The following CRYBG1 variants were observed in gnomAD, a reference collection of about 807,000 sequenced individuals.
The protein encoded by CRYBG1 is crystallin beta-gamma domain containing 1.
Under a neutral mutation model 189.2 loss-of-function variants are expected in CRYBG1, and 139 were observed. That is an observed-to-expected ratio of 0.73 (90% CI 0.64 to 0.85). The LOEUF (loss-of-function observed/expected upper bound fraction) is 0.85, where lower values mean the gene tolerates loss of function less well. CRYBG1 is among the 40% of genes least tolerant of loss of function. CRYBG1 has a pLI of 0.00. For missense variants in CRYBG1, 2,611 were observed against 2,675.8 expected, an observed-to-expected ratio of 0.98 and a Z score of 0.53; for synonymous variants, 1,023 against 1,017.1, an observed-to-expected ratio of 1.01 and a Z score of -0.11.
chr6:106,432,866 G>T (rs1582759462), intron 1 of CRYBG1, among the ~76,000 whole-genome samples: 3 of 128,772 alleles, frequency 2.3e-5, no homozygotes, highest in South Asian at 4.7e-4. Flanking sequence ...TTGAGACAGA[G>T]TCTCACTCTG....
Position 106,520,615 on chromosome 6 carries a change from C to T in CRYBG1, c.3407C>T (p.Pro1136Leu), listed in dbSNP as rs774375182. The T allele has an allele frequency of 1.9e-6, 3 of 1,614,200 alleles. No individual in the cohort carries two copies. The highest frequency in any genetic ancestry group is 2.5e-6 in the Non-Finnish European group (3 of 1,180,020). ...GCCAGGATGCCAAACTCTCCTGCTC[C>T]TCACTTTGCCATGCCTCCTATTCAC... ...KKARMPNSPAPHFAMPPIHED... is the reference protein window; with the variant it reads ...KKARMPNSPALHFAMPPIHED... Residue 1136 changes from proline to leucine, a missense_variant, in exon 4 of 22, where the codon CCT becomes CTT. Pro to Leu is a moderately conservative substitution (Grantham distance 98). Coordinates refer to ENST00000633556, the MANE Select transcript of CRYBG1 (RefSeq NM_001371242.2).
At position 106,521,060 on chromosome 6, in the gene CRYBG1, A is replaced by G. The variant is rs769426664; in HGVS notation, c.3852A>G (p.Ser1284=). ...QNGSLSQSSV[S]QPTTEGAPPC... ...GTTCCCTATCTCAGTCTTCAGTGTC[A>G]CAGCCCACGACTGAGGGTGCCCCGC... Residue 1284 remains serine, a synonymous_variant, in exon 4 of 22, where the codon TCA becomes TCG. Coordinates refer to ENST00000633556, the MANE Select transcript of CRYBG1 (RefSeq NM_001371242.2). The G allele has an allele frequency of 5.0e-6, 8 of 1,614,028 alleles. No individual in the cohort carries two copies. In the Admixed American group the frequency reaches 1.3e-4, roughly 27 times the overall value.
chr6:106,546,337 C>G (rs1774264909), intron 13 of CRYBG1, among the ~76,000 whole-genome samples: 1 of 152,192 alleles, frequency 6.6e-6, no homozygotes, highest in African/African-American at 2.4e-5. Context: ...CAAATAGTTA[C>G]ATGAAATAAT....
rs1775071412 is a variant in CRYBG1 at position 106,571,840 on chromosome 6, T to C, written c.*3274T>C. On this transcript the variant is annotated 3_prime_UTR_variant, in exon 22 of 22. Transcript: ENST00000633556. ...CAAGTGCTGATATTTTTATATCAATTACTGGCCAAAATGGTGTGTTTATTT... is the reference window on the plus strand; with the variant it reads ...CAAGTGCTGATATTTTTATATCAATCACTGGCCAAAATGGTGTGTTTATTT... The C allele has an allele frequency of 3.5e-6, 2 of 569,710 alleles. No homozygotes were observed. Among genetic ancestry groups the C allele is most frequent in the East Asian group, 5.8e-5 (2 of 34,624 alleles). The allele number at this position is 569,710 out of a possible 1,614,324, so 35.3% of individuals were successfully genotyped here. A position where few individuals can be genotyped will look rare whatever the true frequency, so the allele number is the denominator to read the frequency against.
chr6:106,452,945 TA>T, intron 2 of CRYBG1, among the ~76,000 whole-genome samples: 1 of 152,330 alleles, frequency 6.6e-6, no homozygotes, highest in East Asian at 1.9e-4. Flanking sequence ...CAATGAGGGT[TA>T]ATAGTGAAAT....
intron 3 of CRYBG1, among the ~76,000 whole-genome samples, chr6:106,515,353 A>C (rs937934455): frequency 1.1e-4 from 17 of 152,222 alleles, no homozygotes; most frequent in Admixed American, 1.0e-3. Context: ...AATAGCACAG[A>C]AAGTTTGGTT....
chr6:106,481,593 A>G (rs1191189829), intron 2 of CRYBG1, among the ~76,000 whole-genome samples: 1 of 152,130 alleles, frequency 6.6e-6, no homozygotes, highest in Non-Finnish European at 1.5e-5. Flanking sequence ...ACCCTTCTGC[A>G]TCCTACTGTG....
chr6:106,478,647 A>C (rs187168488), intron 2 of CRYBG1, among the ~76,000 whole-genome samples: 1 of 152,190 alleles, frequency 6.6e-6, no homozygotes, highest in Admixed American at 6.5e-5. Flanking sequence ...CGACCCCTGG[A>C]CCATAGACCA....
chr6:106,525,096 GTAAT>G, intron 4 of CRYBG1, 33 bp from the exon 5 acceptor site: 7 of 1,606,906 alleles, frequency 4.4e-6, no homozygotes, highest in Non-Finnish European at 6.0e-6. Flanking sequence ...ATGTGAAGTT[GTAAT>G]TATTTGTTGT....
At chr6:106,431,678 G>T (rs1315090435) in intron 1 of CRYBG1, among the ~76,000 whole-genome samples, 1 of 152,116 alleles carries the variant, frequency 6.6e-6, no homozygotes, top group Non-Finnish European at 1.5e-5. Context: ...CACAGAAATG[G>T]CCACACTGTT....
At chr6:106,527,611 T>C in intron 7 of CRYBG1, 141 bp downstream of exon 7, 6 of 869,516 alleles carry the variant, frequency 6.9e-6, no homozygotes, top group Non-Finnish European at 1.0e-5. Flanking sequence ...ATTTTAAGTA[T>C]TTGTACACTT....
At chr6:106,451,894 G>C in intron 2 of CRYBG1, 62 bp downstream of exon 2, 1 of 1,420,156 alleles carries the variant, frequency 7.0e-7, no homozygotes, top group Non-Finnish European at 9.4e-7. Context: ...CTAAAGCACT[G>C]TAAGATAGCC....
At chr6:106,519,094 A>G (rs1770074421) in intron 3 of CRYBG1, 37 bp from the exon 4 acceptor site, 1 of 1,559,594 alleles carries the variant, frequency 6.4e-7, no homozygotes, top group Non-Finnish European at 8.6e-7. Flanking sequence ...TTTTAAAACT[A>G]GGTCAATAAC....
chr6:106,533,373 T>G (rs1219739254), intron 8 of CRYBG1, among the ~76,000 whole-genome samples: 1 of 152,208 alleles, frequency 6.6e-6, no homozygotes, highest in East Asian at 1.9e-4. Flanking sequence ...ACATCTGGCC[T>G]TTCACGCCTT....
chr6:106,361,119 C>T, intron 1 of CRYBG1, 38 bp downstream of exon 1: 2 of 1,521,314 alleles, frequency 1.3e-6, no homozygotes, highest in East Asian at 2.5e-5. Context: ...CCCACCTCCT[C>T]CTCCTCCTCC....
At chr6:106,560,706 G>T in intron 18 of CRYBG1, 97 bp from the exon 19 acceptor site, 2 of 1,382,114 alleles carry the variant, frequency 1.4e-6, no homozygotes, top group Non-Finnish European at 2.0e-6. Flanking sequence ...AAAGTATATA[G>T]TTCAGTCTAG....
intron 1 of CRYBG1, among the ~76,000 whole-genome samples, chr6:106,392,504 G>A (rs1770527556): frequency 6.6e-6 from 1 of 152,160 alleles, no homozygotes; most frequent in African/African-American, 2.4e-5. Flanking sequence ...GAATCAGGAA[G>A]GGAAAAGGAC....
chr6:106,517,231 G>A (rs1172690793), intron 3 of CRYBG1, among the ~76,000 whole-genome samples: 1 of 149,294 alleles, frequency 6.7e-6, no homozygotes, highest in African/African-American at 2.5e-5. Flanking sequence ...GGCTGGTCTT[G>A]AACCCCTTGG....
chr6:106,432,470 A>G (rs919035614), intron 1 of CRYBG1, among the ~76,000 whole-genome samples: 6 of 152,138 alleles, frequency 3.9e-5, no homozygotes, highest in African/African-American at 1.4e-4. Context: ...TTGTCCTACA[A>G]GCTGTGGTAG....
Sources: gnomAD v4.1 joint callset for allele counts (sites outside exome capture counted in the v4.1 genomes callset) on GRCh38, gnomAD v4.1.1 for gene constraint, MANE v1.5 for transcripts, NCBI Gene and HGNC (gene_info 2026-07-23, HGNC 2026-07-21) for gene names.